Variants in USP42 observed in about 807,000 individuals in gnomAD.
USP42 encodes ubiquitin specific peptidase 42, also known as ubiquitin carboxyl-terminal hydrolase 42.
A neutral mutation model predicts 113.0 loss-of-function variants in USP42; 23 were observed. The ratio of observed to expected loss-of-function variants is 0.20; its 90% CI spans 0.15 to 0.29. The LOEUF (loss-of-function observed/expected upper bound fraction) is 0.29, where lower values mean the gene tolerates loss of function less well. USP42 is among the 10% of genes least tolerant of loss of function. The pLI, the probability that USP42 is intolerant of heterozygous loss-of-function variation, is 1.00. For synonymous variants in USP42, 933 were observed against 699.0 expected (o/e 1.33, Z -5.28); for missense variants, 2,174 against 1,779.8 (o/e 1.22, Z -3.99).
At position 6,149,947 on chromosome 7, in the gene USP42, G is replaced by T. The variant is rs1003930563; in HGVS notation, c.1751G>T (p.Arg584Leu). Reference sequence around the variant, plus strand: ...AGTAAAGTAACAAAACCGATCCCCCGCAGTGAATCCTGCTCCCAGCCCGTG... The same window carrying T: ...AGTAAAGTAACAAAACCGATCCCCCTCAGTGAATCCTGCTCCCAGCCCGTG... ...VSSKVTKPIP[R>L]SESCSQPVMN... is the part of the protein sequence containing the mutation. Residue 584 changes from arginine (R) to leucine (L), a missense_variant, in exon 13 of 18, where the codon CGC (arginine) becomes CTC (leucine). By Grantham distance (102) the Arg-to-Leu change is moderately radical. Coordinates refer to ENST00000306177, the MANE Select transcript of USP42 (RefSeq NM_032172.3). The T allele has an allele frequency of 1.9e-6, 3 of 1,613,812 alleles. No individual in the cohort carries two copies. Among genetic ancestry groups the T allele is most frequent in the African/African-American group, 2.7e-5 (2 of 74,914 alleles).
At chr7:6,156,192 G>GA (rs1435736923) in intron 15 of USP42, among the ~76,000 whole-genome samples, 1 of 152,188 alleles carries the variant, frequency 6.6e-6, no homozygotes, top group African/African-American at 2.4e-5. Flanking sequence ...AAGCCATATG[G>GA]AAAATAGGCA....
rs1444856453 is a variant in USP42, at chr7:6,154,921, C to G, written c.3367C>G (p.His1123Asp). The change falls in exon 15 of 18, where the codon CAC becomes GAC. Residue 1123 changes from histidine to aspartate, a missense_variant. Transcript: ENST00000306177. ...RPSSPRAGAPHALAPHPDRFS... is the reference protein window; with the variant it reads ...RPSSPRAGAPDALAPHPDRFS... ...CAGCAGCCCCCGCGCAGGCGCGCCC[C>G]ACGCCCTCGCCCCGCACCCCGACCG... 2 of 1,549,810 alleles carry G rather than the reference C, an allele frequency of 1.3e-6. No homozygotes were observed. The highest frequency in any genetic ancestry group is 3.9e-5 in the Admixed American group (2 of 50,974).
chr7:6,151,949 G>A (rs555724216), intron 14 of USP42, among the ~76,000 whole-genome samples: 3 of 152,184 alleles, frequency 2.0e-5, no homozygotes, highest in South Asian at 2.1e-4. Context: ...GTTGTTGACC[G>A]TATGTATGAG....
At chr7:6,135,681 CAAA>C (rs1334949037) in intron 3 of USP42, among the ~76,000 whole-genome samples, 157 bp from the exon 4 acceptor site, 1 of 102,564 alleles carries the variant, frequency 9.8e-6, no homozygotes, top group Non-Finnish European at 2.0e-5. Context: ...AAAAAAAGAA[CAAA>C]AAAAAGTAAA....
intron 3 of USP42, among the ~76,000 whole-genome samples, chr7:6,116,119 AAAC>A (rs1266509770): frequency 2.0e-5 from 3 of 151,288 alleles, no homozygotes; most frequent in Non-Finnish European, 2.9e-5. Context: ...AAAAAAAAAA[AAAC>A]GTCTGATGCC....
intron 14 of USP42, among the ~76,000 whole-genome samples, chr7:6,150,718 G>C (rs1001591706): frequency 6.6e-6 from 1 of 152,192 alleles, no homozygotes; most frequent in Non-Finnish European, 1.5e-5. Flanking sequence ...ACGGAAACTT[G>C]ATGTACTCAC....
intron 8 of USP42, among the ~76,000 whole-genome samples, 189 bp downstream of exon 8, chr7:6,143,203 G>A (rs1314563839): frequency 6.6e-6 from 1 of 152,158 alleles, no homozygotes; most frequent in African/African-American, 2.4e-5. Context: ...TGCAAGATGC[G>A]CAGCTCTGTG....
rs1782647905 is a variant in USP42, at chr7:6,159,437, C to T, written c.3944-13C>T. ...CCATCATTAAAATCTCTTTCCTGACCTTTGCTTTCTAGGTGATTGAAAACT... is the reference window on the plus strand; with the variant it reads ...CCATCATTAAAATCTCTTTCCTGACTTTTGCTTTCTAGGTGATTGAAAACT... On this transcript the variant is annotated splice_polypyrimidine_tract_variant and intron_variant, in intron 16 of 17. Coordinates refer to ENST00000306177, the MANE Select transcript of USP42 (RefSeq NM_032172.3). The surrounding 1 kb of genome is among the most constrained non-coding windows in gnomAD (Gnocchi z 4.1). 1.9e-6 allele frequency: 3 copies of T among 1,613,856 alleles called. No homozygotes were observed. Among genetic ancestry groups the T allele is most frequent in the Non-Finnish European group, 8.5e-7 (1 of 1,179,884 alleles).
intron 3 of USP42, among the ~76,000 whole-genome samples, chr7:6,127,729 A>G (rs187284269): frequency 1.8e-4 from 28 of 152,322 alleles, no homozygotes; most frequent in African/African-American, 6.5e-4. Flanking sequence ...ATTCTTCACA[A>G]TAGTTTCGGC....
At position 6,146,210 on chromosome 7, in the gene USP42, G is replaced by T; in HGVS notation, c.1194G>T (p.Ser398=). 1 of 1,602,784 alleles carries T rather than the reference G, an allele frequency of 6.2e-7. No homozygotes were observed. The highest frequency in any genetic ancestry group is 8.5e-7 in the Non-Finnish European group (1 of 1,175,632). The stretch of plus-strand genomic sequence containing the variant: ...TTGTATCTACCAGTGATATTAGATC[G>T]GTACTCAGCCAACAAGCCTATGTGC... ...DSIVSTSDIR[S]VLSQQAYVLF... The change falls in exon 11 of 18, where the codon TCG becomes TCT. Residue 398 remains serine (S), a synonymous_variant. Coordinates refer to ENST00000306177, the MANE Select transcript of USP42 (RefSeq NM_032172.3).
intron 3 of USP42, among the ~76,000 whole-genome samples, chr7:6,120,357 C>G (rs1412445061): frequency 6.6e-6 from 1 of 152,214 alleles, no homozygotes; most frequent in African/African-American, 2.4e-5. Flanking sequence ...ATTCTCCTGC[C>G]TCAGCCTCCC....
At chr7:6,107,165 T>G (rs1779330345) in intron 1 of USP42, among the ~76,000 whole-genome samples, 1 of 152,220 alleles carries the variant, frequency 6.6e-6, no homozygotes, top group African/African-American at 2.4e-5. Flanking sequence ...GCTGTATGGT[T>G]AATGATGACT....
chr7:6,094,276 C>T, the USP42 span, among the ~76,000 whole-genome samples: 23 of 151,028 alleles, frequency 1.5e-4, 1 homozygote, highest in East Asian at 2.7e-3. Flanking sequence ...TGGGCTCAAG[C>T]GATCCTCCCA....
chr7:6,141,688 A>G (rs766881102), intron 7 of USP42, among the ~76,000 whole-genome samples: 1 of 151,938 alleles, frequency 6.6e-6, no homozygotes, highest in East Asian at 1.9e-4. Context: ...CCTCCCTAGT[A>G]GCTGGGACTA....
chr7:6,104,704 C>A (rs1359565072), upstream of USP42, among the ~76,000 whole-genome samples: 1 of 152,188 alleles, frequency 6.6e-6, no homozygotes, highest in Non-Finnish European at 1.5e-5. Context: ...CAGCGCGCTC[C>A]CTCTGCCGGC....
intron 3 of USP42, among the ~76,000 whole-genome samples, chr7:6,126,506 C>CT (rs1295282349): frequency 6.6e-6 from 1 of 152,126 alleles, no homozygotes; most frequent in Non-Finnish European, 1.5e-5. Context: ...AGGATGGTCT[C>CT]TATCTCCTGA....
the USP42 span, among the ~76,000 whole-genome samples, chr7:6,083,246 ATTTATT>A: frequency 1.4e-5 from 2 of 140,518 alleles, no homozygotes; most frequent in African/African-American, 5.6e-5. Flanking sequence ...TTATTTATTT[ATTTATT>A]TATTTATTTA....
rs755265130 is a variant in USP42, at chr7:6,154,255, G to A, written c.2701G>A (p.Ala901Thr). The change falls in exon 15 of 18, where the codon GCT becomes ACT. Residue 901 changes from alanine to threonine, a missense_variant. Ala to Thr is a moderately conservative substitution (Grantham distance 58). Coordinates refer to ENST00000306177, the MANE Select transcript of USP42 (RefSeq NM_032172.3). ...GAPEAAERPPAPVLDMAPAGH... is the reference protein window; with the variant it reads ...GAPEAAERPPTPVLDMAPAGH... ...ACCCGAGGCCGCAGAGCGGCCGCCAGCTCCTGTGCTGGACATGGCCCCGGC... is the reference window on the plus strand; with the variant it reads ...ACCCGAGGCCGCAGAGCGGCCGCCAACTCCTGTGCTGGACATGGCCCCGGC... 16 of 1,604,528 alleles carry A rather than the reference G, an allele frequency of 1.0e-5. No individual in the cohort carries two copies. The South Asian group carries it at 1.2e-4, about 12-fold the overall frequency.
rs939410568 is a variant in USP42 at position 6,150,385 on chromosome 7, G to A, written c.2107-27G>A. Reference sequence around the variant, plus strand: ...AGGAGGCATGGAGCTGGCGACTGAAGCTGAAATATTTTTGTTTTTATTGCA... The same window carrying A: ...AGGAGGCATGGAGCTGGCGACTGAAACTGAAATATTTTTGTTTTTATTGCA... On this transcript the variant is annotated intron_variant, in intron 13 of 17. Coordinates refer to ENST00000306177, the MANE Select transcript of USP42 (RefSeq NM_032172.3). The A allele has an allele frequency of 1.9e-6, 3 of 1,612,580 alleles. No individual in the cohort carries two copies. The African/African-American group carries it at 4.0e-5, about 22-fold the overall frequency.
Sources: allele counts gnomAD v4.1 joint callset (sites outside exome capture counted in the v4.1 genomes callset), GRCh38; gene constraint gnomAD v4.1.1; non-coding constraint Gnocchi (gnomAD v3.1); transcripts MANE v1.5; gene names NCBI Gene and HGNC (gene_info 2026-07-23, HGNC 2026-07-21).